RBBP5: variants seen among roughly 807,000 people sequenced by gnomAD.
RBBP5 encodes the protein RB binding protein 5, histone lysine methyltransferase complex subunit.
A neutral mutation model predicts 72.2 loss-of-function variants in RBBP5; 5 were observed. The observed-to-expected ratio is 0.07, with a 90% CI of 0.04 to 0.15. The LOEUF is 0.15. Among genes scored for constraint, RBBP5 ranks in the 10% least tolerant of loss-of-function variants. The pLI, the probability that RBBP5 is intolerant of heterozygous loss-of-function variation, is 1.00. For synonymous variants in RBBP5, 209 were observed against 237.2 expected, an observed-to-expected ratio of 0.88 and a Z score of 1.09; for missense variants, 322 against 652.2, an observed-to-expected ratio of 0.49 and a Z score of 5.51.
intron 3 of RBBP5, among the ~76,000 whole-genome samples, chr1:205,106,083 G>T (rs1254913478): frequency 6.6e-6 from 1 of 152,120 alleles, no homozygotes; most frequent in Non-Finnish European, 1.5e-5. Flanking sequence ...TGTCAGAGAA[G>T]GACACATAGA....
intron 3 of RBBP5, among the ~76,000 whole-genome samples, chr1:205,114,396 T>A (rs1041051455): frequency 6.6e-6 from 1 of 152,238 alleles, no homozygotes; most frequent in Non-Finnish European, 1.5e-5. Context: ...ATTGAAGGAA[T>A]AGTCATACTT....
At chr1:205,109,357 C>T (rs1250098781) in intron 3 of RBBP5, among the ~76,000 whole-genome samples, 1 of 151,954 alleles carries the variant, frequency 6.6e-6, no homozygotes, top group African/African-American at 2.4e-5. Flanking sequence ...AAAAGCAATA[C>T]ACATTATATC....
At chr1:205,115,967 C>A (rs530072198) in intron 1 of RBBP5, 84 bp from the exon 2 acceptor site, 1 of 1,612,968 alleles carries the variant, frequency 6.2e-7, no homozygotes, top group African/African-American at 1.3e-5. Context: ...ATAGCAGTGG[C>A]TGACAAAACG....
intron 1 of RBBP5, among the ~76,000 whole-genome samples, chr1:205,120,822 C>A (rs1373218965): frequency 6.6e-6 from 1 of 151,880 alleles, no homozygotes; most frequent in Admixed American, 6.6e-5. Flanking sequence ...AACTCCTCCA[C>A]AGGTTTGGGG....
chr1:205,093,457 T>TTAAAAAAAA (rs1655434612), intron 13 of RBBP5, among the ~76,000 whole-genome samples: 1 of 11,718 alleles, frequency 8.5e-5, no homozygotes, highest in African/African-American at 3.2e-4. Context: ...AAACTCCGTT[T>TTAAAAAAAA]CAAAAAAAAA....
intron 3 of RBBP5, among the ~76,000 whole-genome samples, chr1:205,109,712 A>T (rs1399568452): frequency 6.6e-6 from 1 of 152,226 alleles, no homozygotes; most frequent in East Asian, 1.9e-4. Flanking sequence ...ACTAAAAAAA[A>T]ATTTATTCTT....
chr1:205,101,512 T>C (rs1289818696), intron 6 of RBBP5, 88 bp downstream of exon 6: 22 of 923,946 alleles, frequency 2.4e-5, no homozygotes, highest in Non-Finnish European at 3.2e-6. Flanking sequence ...TGCTTAAGTA[T>C]AATATACATG....
chr1:205,119,777 C>T, intron 1 of RBBP5, among the ~76,000 whole-genome samples: 1 of 152,214 alleles, frequency 6.6e-6, no homozygotes, highest in East Asian at 1.9e-4. Flanking sequence ...CTGCCTAGCT[C>T]AGAGAAAGTA....
At chr1:205,093,370 G>GGA (rs1281278460) in intron 13 of RBBP5, among the ~76,000 whole-genome samples, 1 of 144,600 alleles carries the variant, frequency 6.9e-6, no homozygotes, top group East Asian at 2.1e-4. Flanking sequence ...CTAGGCAAGA[G>GGA]AATCACTTGA....
At chr1:205,089,321 G>A (rs775520834) in intron 13 of RBBP5, among the ~76,000 whole-genome samples, 5 of 152,302 alleles carry the variant, frequency 3.3e-5, no homozygotes, top group South Asian at 2.1e-4. Flanking sequence ...TGAAATGTTC[G>A]TGAGAGCTAC....
At chr1:205,120,336 T>TC (rs1656689271) in intron 1 of RBBP5, among the ~76,000 whole-genome samples, 1 of 152,116 alleles carries the variant, frequency 6.6e-6, no homozygotes, top group Non-Finnish European at 1.5e-5. Flanking sequence ...GCCCAAACTT[T>TC]TGAGCTAGGC....
chr1:205,096,942 G>GA, intron 11 of RBBP5, 31 bp from the exon 12 acceptor site: 2 of 1,527,862 alleles, frequency 1.3e-6, no homozygotes, highest in Non-Finnish European at 1.8e-6. Context: ...CAAGGGATTG[G>GA]AAAAAAGAGG....
Position 205,100,234 on chromosome 1 carries a change from C to T in RBBP5, c.670G>A (p.Val224Ile). Reference sequence around the variant, plus strand: ...GTTAAGATTTCTCTGCCATCATAAACTCTGATTATTCGATCTGCCGTGTTA... The same window carrying T: ...GTTAAGATTTCTCTGCCATCATAAATTCTGATTATTCGATCTGCCGTGTTA... ...LINTADRIIR[V>I]YDGREILTCG... The change falls in exon 7 of 14, where the codon GTT becomes ATT. Residue 224 changes from valine to isoleucine, a missense_variant. Physicochemically the swap from Val to Ile is conservative, Grantham distance 29. Around this residue, in one of 6 missense-constraint regions of RBBP5, gnomAD observed 161 missense variants for 327.8 expected, o/e 0.49. Coordinates refer to ENST00000264515, the MANE Select transcript of RBBP5 (RefSeq NM_005057.4). 6.2e-7 allele frequency: 1 copy of T among 1,614,162 alleles called. No homozygotes were observed. Among genetic ancestry groups the T allele is most frequent in the Non-Finnish European group, 8.5e-7 (1 of 1,180,024 alleles).
chr1:205,100,660 G>T (rs1655784080), intron 6 of RBBP5, among the ~76,000 whole-genome samples: 2 of 151,808 alleles, frequency 1.3e-5, no homozygotes, highest in African/African-American at 4.9e-5. Context: ...CATTTTTACT[G>T]TAATGACATT....
chr1:205,112,023 T>C lies in RBBP5; in HGVS notation c.218+2766A>G, dbSNP rs79894382. The stretch of plus-strand genomic sequence containing the variant: ...ATCTACTTATCTTACAAATTTAAAG[T>C]TATAAATTATCTGGCTGGGCATGGA... On this transcript the variant is annotated intron_variant, in intron 3 of 13. Coordinates refer to ENST00000264515, the MANE Select transcript of RBBP5 (RefSeq NM_005057.4). Among the ~76,000 whole-genome samples, 119 of 152,136 alleles carry C rather than the reference T, an allele frequency of 7.8e-4. 2 individuals carry two copies. In the East Asian group the frequency reaches 0.021, roughly 27 times the overall value.
chr1:205,110,664 T>C (rs1030345753), intron 3 of RBBP5, among the ~76,000 whole-genome samples: 3 of 152,218 alleles, frequency 2.0e-5, no homozygotes, highest in Non-Finnish European at 2.9e-5. Flanking sequence ...AGATATCTTA[T>C]AGATAGAATA....
At chr1:205,115,764 G>A in intron 2 of RBBP5, 94 bp downstream of exon 2, 2 of 1,391,078 alleles carry the variant, frequency 1.4e-6, no homozygotes, top group East Asian at 2.5e-5. Flanking sequence ...ATGCTTCTCT[G>A]TCAAAACACA....
At chr1:205,116,856 A>T (rs776242968) in intron 1 of RBBP5, among the ~76,000 whole-genome samples, 22 of 152,186 alleles carry the variant, frequency 1.4e-4, no homozygotes, top group Non-Finnish European at 3.1e-4. Context: ...GAGTCAATTC[A>T]TATCAGTCAA....
chr1:205,093,333 C>T (rs1032877245), intron 13 of RBBP5, among the ~76,000 whole-genome samples: 2 of 149,630 alleles, frequency 1.3e-5, no homozygotes, highest in Non-Finnish European at 3.0e-5. Context: ...TGGTGGTGCA[C>T]GCCTGTAATC....
Sources: allele counts gnomAD v4.1 joint callset (sites outside exome capture counted in the v4.1 genomes callset), GRCh38; gene constraint gnomAD v4.1.1; regional missense constraint gnomAD v4.1.1; transcripts MANE v1.5; gene names NCBI Gene and HGNC (gene_info 2026-07-23, HGNC 2026-07-21).